Variants in SH2D3C observed in about 807,000 individuals in gnomAD.
SH2D3C encodes the protein SH2 domain containing 3C.
SH2D3C carries 25 observed loss-of-function variants against 75.2 expected under a neutral mutation model. The observed-to-expected ratio is 0.33, with a 90% CI of 0.24 to 0.46. The LOEUF (loss-of-function observed/expected upper bound fraction) is 0.46. Among genes scored for constraint, SH2D3C ranks in the 20% least tolerant of loss-of-function variants. The probability of loss-of-function intolerance (pLI) is 1.00; values close to 1 mark genes in which losing one functional copy is unlikely to be tolerated. For missense variants in SH2D3C, 933 were observed against 1,165.3 expected, an observed-to-expected ratio of 0.80 and a Z score of 2.90; for synonymous variants, 450 against 473.7, an observed-to-expected ratio of 0.95 and a Z score of 0.65.
intron 3 of SH2D3C, 106 bp downstream of exon 3, chr9:127,761,505 G>GGTCT (rs1845523825): frequency 1.3e-6 from 1 of 751,746 alleles, no homozygotes; most frequent in Non-Finnish European, 2.3e-6. Context: ...TACACAGTGA[G>GGTCT]GTCTGGCTCC....
chr9:127,768,189 C>T (rs554699351), intron 2 of SH2D3C, among the ~76,000 whole-genome samples: 16 of 152,240 alleles, frequency 1.1e-4, no homozygotes, highest in South Asian at 2.1e-4. Context: ...GGTGGGTAAT[C>T]GCTACCAGAT....
At chr9:127,744,011 TCAGGG>T (rs1316525264) in intron 7 of SH2D3C, among the ~76,000 whole-genome samples, 2 of 151,592 alleles carry the variant, frequency 1.3e-5, no homozygotes. Context: ...CCACTGGGTT[TCAGGG>T]CTGCCCAGTT....
chr9:127,743,166 GAATT>G (rs1193691715), intron 7 of SH2D3C, among the ~76,000 whole-genome samples: 3 of 152,200 alleles, frequency 2.0e-5, no homozygotes, highest in Admixed American at 2.0e-4. Flanking sequence ...TGTGAAGTAG[GAATT>G]AATAGGAAAA....
At chr9:127,770,602 G>A (rs1032409545) in intron 2 of SH2D3C, among the ~76,000 whole-genome samples, 1 of 152,128 alleles carries the variant, frequency 6.6e-6, no homozygotes, top group Non-Finnish European at 1.5e-5. Context: ...CTGGGTCCCG[G>A]GGCACCAGAA....
At chr9:127,761,673 A>G (rs778239859) in intron 2 of SH2D3C, 23 bp from the exon 3 acceptor site, 17 of 1,606,700 alleles carry the variant, frequency 1.1e-5, no homozygotes, top group Admixed American at 1.7e-5. Flanking sequence ...AAGACAAGTG[A>G]GCATCCCCAG....
chr9:127,772,686 A>G (rs1308462098), intron 2 of SH2D3C, among the ~76,000 whole-genome samples: 1 of 152,184 alleles, frequency 6.6e-6, no homozygotes, highest in Non-Finnish European at 1.5e-5. Flanking sequence ...TGTGAAAGGC[A>G]TGGCCCTAGG....
intron 5 of SH2D3C, among the ~76,000 whole-genome samples, chr9:127,748,441 C>G (rs1845098871): frequency 6.6e-6 from 1 of 152,240 alleles, no homozygotes; most frequent in Non-Finnish European, 1.5e-5. Context: ...GACAGCAGAT[C>G]TCTTTGCAAA....
chr9:127,773,321 G>C (rs1468639471), intron 2 of SH2D3C, among the ~76,000 whole-genome samples: 1 of 152,132 alleles, frequency 6.6e-6, no homozygotes, highest in Non-Finnish European at 1.5e-5. Context: ...ATTTGCGTGA[G>C]GGGGTTCAGG....
At chr9:127,755,292 G>A (rs895925581) in intron 3 of SH2D3C, 2 of 1,116,784 alleles carry the variant, frequency 1.8e-6, no homozygotes, top group Non-Finnish European at 2.2e-6. Context: ...CGCCTTGTCG[G>A]GGGAGGAGCG....
intron 1 of SH2D3C, among the ~76,000 whole-genome samples, chr9:127,776,442 G>A (rs1845811252): frequency 6.6e-6 from 1 of 151,988 alleles, no homozygotes; most frequent in African/African-American, 2.4e-5. Flanking sequence ...CCTGTCAGCT[G>A]AGCCCAGCTC....
chr9:127,766,602 C>A lies in SH2D3C; in HGVS notation c.516-4952G>T, dbSNP rs542659866. On this transcript the variant is annotated intron_variant, in intron 2 of 11. Coordinates refer to ENST00000314830, the MANE Select transcript of SH2D3C (RefSeq NM_170600.3). The stretch of plus-strand genomic sequence containing the variant: ...TTGTTTGTTTTGAGATGGAGTCTTG[C>A]TCTGTTGCCCAGGCTCAAGTGCAGT... 4.6e-5 allele frequency among the ~76,000 whole-genome samples: 7 copies of A among 152,298 alleles called. No individual in the cohort carries two copies. In the South Asian group the frequency reaches 1.5e-3, roughly 32 times the overall value.
rs1845192231 is a variant in SH2D3C at position 127,751,189 on chromosome 9, C to T, written c.667G>A (p.Gly223Ser). Residue 223 changes from glycine (G) to serine (S), a missense_variant, in exon 4 of 12, where the codon GGC becomes AGC. Physicochemically the swap from Gly to Ser is moderately conservative, Grantham distance 56 (BLOSUM62 0). Coordinates refer to ENST00000314830, the MANE Select transcript of SH2D3C (RefSeq NM_170600.3). This position sits in a 1 kb window ranked among gnomAD's most constrained non-coding sequence, Gnocchi z 4.1. ...CTACTCACCTCTCGGGGGATGCGGC[C>T]ATGGTACCAGGCATGGCTGCGGAGA... ...TDLRSHAWYH[G>S]RIPREVSETL... The T allele has an allele frequency of 6.2e-7, 1 of 1,613,948 alleles. No homozygotes were observed. The highest frequency in any genetic ancestry group is 1.3e-5 in the African/African-American group (1 of 74,928).
Position 127,744,560 on chromosome 9 carries a change from C to A in SH2D3C, c.1800+4G>T. Reference sequence around the variant, plus strand: ...CTCCACCCCAGTGCACAGCCAGCACCTACCAGGCAGTCCACCTTGGTGACA... The same window carrying A: ...CTCCACCCCAGTGCACAGCCAGCACATACCAGGCAGTCCACCTTGGTGACA... On this transcript the variant is annotated splice_donor_region_variant and intron_variant, in intron 7 of 11. Coordinates refer to ENST00000314830, the MANE Select transcript of SH2D3C (RefSeq NM_170600.3). 6.2e-7 allele frequency: 1 copy of A among 1,602,494 alleles called. No homozygotes were observed.
At chr9:127,767,602 TGA>T (rs1845659767) in intron 2 of SH2D3C, among the ~76,000 whole-genome samples, 1 of 152,190 alleles carries the variant, frequency 6.6e-6, no homozygotes, top group Non-Finnish European at 1.5e-5. Context: ...GGGTGGAGCC[TGA>T]GAGGGCCCTC....
At chr9:127,770,855 G>A (rs1564425372) in intron 2 of SH2D3C, among the ~76,000 whole-genome samples, 1 of 152,196 alleles carries the variant, frequency 6.6e-6, no homozygotes, top group Non-Finnish European at 1.5e-5. Context: ...GGAATGTGCT[G>A]CCCAGGTGTT....
intron 8 of SH2D3C, among the ~76,000 whole-genome samples, chr9:127,742,216 GTT>G (rs1417843755): frequency 6.6e-6 from 1 of 152,072 alleles, no homozygotes; most frequent in Non-Finnish European, 1.5e-5. Context: ...GTAGTTTTTT[GTT>G]TTGTTTTTGT....
chr9:127,753,836 A>C (rs1186577864), intron 3 of SH2D3C, among the ~76,000 whole-genome samples: 1 of 152,186 alleles, frequency 6.6e-6, no homozygotes, highest in Non-Finnish European at 1.5e-5. Flanking sequence ...CTGGAGCTAG[A>C]GGGACGTGGG....
chr9:127,746,135 A>C (rs1308599451), intron 6 of SH2D3C, among the ~76,000 whole-genome samples: 1 of 152,188 alleles, frequency 6.6e-6, no homozygotes, highest in Non-Finnish European at 1.5e-5. Flanking sequence ...ACTGTCCAAT[A>C]AGTCATTCTG....
chr9:127,757,891 C>A (rs1323470650), intron 3 of SH2D3C, among the ~76,000 whole-genome samples: 1 of 151,984 alleles, frequency 6.6e-6, no homozygotes, highest in Admixed American at 6.6e-5. Context: ...GAACTCCTGA[C>A]CTCAAGTAAT....
Sources: gnomAD v4.1 joint callset for allele counts (sites outside exome capture counted in the v4.1 genomes callset) on GRCh38, gnomAD v4.1.1 for gene constraint, Gnocchi (gnomAD v3.1) non-coding constraint, MANE v1.5 for transcripts, NCBI Gene and HGNC (gene_info 2026-07-23, HGNC 2026-07-21) for gene names.